The following UBN1 variants were observed in gnomAD, a reference collection of about 807,000 sequenced individuals.
UBN1 encodes ubinuclein-1.
Under a neutral mutation model 108.5 loss-of-function variants are expected in UBN1, and 17 were observed. The observed-to-expected ratio is 0.16, with a 90% CI of 0.11 to 0.24. The LOEUF (loss-of-function observed/expected upper bound fraction) is 0.24, where lower values mean the gene tolerates loss of function less well. Among genes scored for constraint, UBN1 ranks in the 10% least tolerant of loss-of-function variants. The pLI is 1.00. For synonymous variants in UBN1, 726 were observed against 564.2 expected (o/e 1.29, Z -4.07); for missense variants, 1,595 against 1,394.4 (o/e 1.14, Z -2.29).
chr16:4,852,341 A>G (rs907943347), intron 1 of UBN1: 1 of 152,272 alleles, frequency 6.6e-6, no homozygotes, highest in African/African-American at 2.4e-5. Context: ...AGAGTGGTGC[A>G]CAGGGCAGGA....
At chr16:4,851,216 T>C (rs1274221117) in intron 1 of UBN1, among the ~76,000 whole-genome samples, 1 of 152,096 alleles carries the variant, frequency 6.6e-6, no homozygotes, top group East Asian at 1.9e-4. Context: ...TAAATGACCA[T>C]ATAGGCTGGG....
Position 4,877,654 on chromosome 16 carries a change from G to T in UBN1, c.3355+180G>T. ...GGTGACACGCACTTCTACTCTTGGG[G>T]TTTCCTCTGGTCCCCACTTGGAGCT... On this transcript the variant is annotated intron_variant, in intron 17 of 17. Transcript: ENST00000262376. This position sits in a 1 kb window ranked among gnomAD's most constrained non-coding sequence, Gnocchi z 4.3. The T allele has an allele frequency of 1.5e-6, 2 of 1,305,990 alleles. No homozygotes were observed. The highest frequency in any genetic ancestry group is 1.9e-6 in the Non-Finnish European group (2 of 1,028,496). The allele number at this position is 1,305,990 out of a possible 1,614,324, so 80.9% of individuals were successfully genotyped here. A position where few individuals can be genotyped will look rare whatever the true frequency, so the allele number is the denominator to read the frequency against.
intron 7 of UBN1, among the ~76,000 whole-genome samples, chr16:4,866,389 G>A (rs1161856426): frequency 1.3e-5 from 2 of 152,172 alleles, no homozygotes; most frequent in Admixed American, 6.5e-5. Context: ...TTCTTCCTGT[G>A]GCGTGCCGTT....
At chr16:4,857,871 C>CTTGCCCTTTTCTGGAAAACATTG in intron 2 of UBN1, 119 bp from the exon 3 acceptor site, 1 of 720,462 alleles carries the variant, frequency 1.4e-6, no homozygotes, top group Non-Finnish European at 2.4e-6. Flanking sequence ...TGTTTTCTAC[C>CTTGCCCTTTTCTGGAAAACATTG]TTGCCCTTTT....
At chr16:4,856,854 AT>A (rs1375092669) in intron 2 of UBN1, among the ~76,000 whole-genome samples, 1 of 152,248 alleles carries the variant, frequency 6.6e-6, no homozygotes, top group Non-Finnish European at 1.5e-5. Flanking sequence ...CGTTAGATGT[AT>A]GCTCTATAAT....
In UBN1 at chr16:4,860,961, T is replaced by C. The variant is rs775357344; in HGVS notation, c.969T>C (p.Ser323=). ...ACTTGGAGCATCTGCTCAGTGAGTC[T>C]CCAGAAGGAAGTCCCTTCCGAGATA... ...DLDLEHLLSE[S]PEGSPFRDMD... Residue 323 remains serine (S), a synonymous_variant, in exon 7 of 18, where the codon TCT becomes TCC. Coordinates refer to ENST00000262376, the MANE Select transcript of UBN1 (RefSeq NM_001079514.3). 2 of 1,614,252 alleles carry C rather than the reference T, an allele frequency of 1.2e-6. No individual in the cohort carries two copies. Among genetic ancestry groups the C allele is most frequent in the Non-Finnish European group, 1.7e-6 (2 of 1,180,038 alleles).
At chr16:4,851,822 A>G (rs78033476) in intron 1 of UBN1, among the ~76,000 whole-genome samples, 1 of 149,004 alleles carries the variant, frequency 6.7e-6, no homozygotes, top group South Asian at 2.1e-4. Context: ...ACCCTAGCTC[A>G]AAAAAAAAAG....
In UBN1 at chr16:4,874,786, G is replaced by T; in HGVS notation, c.2376G>T (p.Gly792=). ...KHHSLPRTSH[G]PQVAVPVPGP... ...ACAGCTTGCCACGGACGTCTCACGG[G>T]CCCCAAGTGGCAGTTCCTGTGCCTG... is the stretch of plus-strand genomic sequence containing the variant. The change falls in exon 15 of 18, where the codon GGG becomes GGT. Residue 792 remains glycine (G), a synonymous_variant. Transcript: ENST00000262376. The T allele has an allele frequency of 6.2e-7, 1 of 1,613,992 alleles. No individual in the cohort carries two copies. The highest frequency in any genetic ancestry group is 8.5e-7 in the Non-Finnish European group (1 of 1,180,030).
chr16:4,851,475 A>G (rs1314839336), intron 1 of UBN1, among the ~76,000 whole-genome samples: 1 of 152,002 alleles, frequency 6.6e-6, no homozygotes, highest in Non-Finnish European at 1.5e-5. Flanking sequence ...TATATACACA[A>G]GTTCTTCTAT....
chr16:4,880,321 G>A lies in UBN1; in HGVS notation c.*189G>A. The A allele has an allele frequency of 1.6e-6, 1 of 632,934 alleles. No individual in the cohort carries two copies. Among genetic ancestry groups the A allele is most frequent in the Non-Finnish European group, 2.8e-6 (1 of 359,354 alleles). 39.2% of individuals were successfully genotyped at this position (632,934 alleles called of 1,614,324 possible). A position where few individuals can be genotyped will look rare whatever the true frequency, so the allele number is the denominator to read the frequency against. On this transcript the variant is annotated 3_prime_UTR_variant, in exon 18 of 18. Transcript: ENST00000262376. ...GAGGGAGCCGGGCCCTTGCTGCTCA[G>A]GAGGTGCAGACTGCCCCGTGCTCTG...
At chr16:4,849,958 A>AAAAAAAC (rs2086472180) in intron 1 of UBN1, among the ~76,000 whole-genome samples, 1 of 149,528 alleles carries the variant, frequency 6.7e-6, no homozygotes, top group South Asian at 2.1e-4. Flanking sequence ...ACAAAAAAAA[A>AAAAAAAC]AAAAAAAACC....
At chr16:4,876,322 C>G (rs1308724369) in intron 15 of UBN1, among the ~76,000 whole-genome samples, 1 of 152,146 alleles carries the variant, frequency 6.6e-6, no homozygotes, top group Non-Finnish European at 1.5e-5. Flanking sequence ...TGTTGGAGGT[C>G]TCACCTCCTT....
At chr16:4,870,795 G>C in intron 10 of UBN1, 49 bp from the exon 11 acceptor site, 1 of 1,609,562 alleles carries the variant, frequency 6.2e-7, no homozygotes, top group Non-Finnish European at 8.5e-7. Flanking sequence ...GGGGAGAGGC[G>C]GTGGGCAGGA....
rs956881395 is a variant in UBN1 at position 4,873,150 on chromosome 16, T to C, written c.1800+77T>C. 3.1e-6 allele frequency: 5 copies of C among 1,588,894 alleles called. No individual in the cohort carries two copies. The Admixed American group carries it at 8.4e-5, about 27-fold the overall frequency. On this transcript the variant is annotated intron_variant, in intron 14 of 17. Coordinates refer to ENST00000262376, the MANE Select transcript of UBN1 (RefSeq NM_001079514.3). The stretch of plus-strand genomic sequence containing the variant: ...TATGCTCTGGAAACAGTCAAGTGAC[T>C]GTGGAAGCTCATTGATCTTTGCTCG...
At chr16:4,863,421 C>A (rs2087164129) in intron 7 of UBN1, among the ~76,000 whole-genome samples, 1 of 152,018 alleles carries the variant, frequency 6.6e-6, no homozygotes, top group Non-Finnish European at 1.5e-5. Flanking sequence ...GGAAGGAATG[C>A]ACTGGTATAC....
Position 4,880,157 on chromosome 16 carries a change from C to G in UBN1, c.*25C>G, listed in dbSNP as rs774331662. ...ACCGCTTCAGAGGCAAGGCTTGCCACTTGGGTCTGGGTGGAATCAGAACGT... is the reference window on the plus strand; with the variant it reads ...ACCGCTTCAGAGGCAAGGCTTGCCAGTTGGGTCTGGGTGGAATCAGAACGT... On this transcript the variant is annotated 3_prime_UTR_variant, in exon 18 of 18. Coordinates refer to ENST00000262376, the MANE Select transcript of UBN1 (RefSeq NM_001079514.3). The G allele has an allele frequency of 2.5e-6, 4 of 1,613,668 alleles. No individual in the cohort carries two copies. The African/African-American group carries it at 4.0e-5, about 16-fold the overall frequency.
At position 4,880,688 on chromosome 16, in the gene UBN1, G is replaced by T. The variant is rs1303864016; in HGVS notation, c.*556G>T. 6.5e-6 allele frequency: 1 copy of T among 152,906 alleles called. No homozygotes were observed. The highest frequency in any genetic ancestry group is 1.5e-5 in the Non-Finnish European group (1 of 68,496). 9.5% of individuals were successfully genotyped at this position (152,906 alleles called of 1,614,324 possible). On this transcript the variant is annotated 3_prime_UTR_variant, in exon 18 of 18. Transcript: ENST00000262376. ...TAAGAACACCTAGGGTGTGCTCACT[G>T]TGGGGGCCAGTTTCTCCTCGGAACA...
At chr16:4,860,221 G>T (rs892103168) in intron 6 of UBN1, among the ~76,000 whole-genome samples, 8 of 152,156 alleles carry the variant, frequency 5.3e-5, no homozygotes. Context: ...CCTCTGGGGT[G>T]CTCCTCTCTG....
rs778467998 is a variant in UBN1, at chr16:4,863,739, C to A, written c.1110+2637C>A. Among the ~76,000 whole-genome samples, 12 of 152,268 alleles carry A rather than the reference C, an allele frequency of 7.9e-5. No individual in the cohort carries two copies. The South Asian group carries it at 1.4e-3, about 18-fold the overall frequency. On this transcript the variant is annotated intron_variant, in intron 7 of 17. Transcript: ENST00000262376. ...CAAAATTTGCCTTGTCATAGCAGTT[C>A]GTTTCTCCTGACTCTGGGCCAACGC...
Sources: allele counts gnomAD v4.1 joint callset (sites outside exome capture counted in the v4.1 genomes callset), GRCh38; gene constraint gnomAD v4.1.1; non-coding constraint Gnocchi (gnomAD v3.1); transcripts MANE v1.5; gene names NCBI Gene and HGNC (gene_info 2026-07-23, HGNC 2026-07-21).